Variants in MAF observed in about 807,000 individuals in gnomAD.
MAF encodes MAF bZIP transcription factor.
Under a neutral mutation model 22.0 loss-of-function variants are expected in MAF, and 10 were observed. The ratio of observed to expected loss-of-function variants is 0.45; its 90% CI spans 0.28 to 0.77. The LOEUF is 0.77. Ranked by LOEUF, MAF falls within the 30% of genes least tolerant of loss-of-function variation. The pLI is 0.12. For missense variants in MAF, 544 were observed against 548.4 expected, an observed-to-expected ratio of 0.99 and a Z score of 0.08; for synonymous variants, 337 against 255.8, an observed-to-expected ratio of 1.32 and a Z score of -3.03.
chr16:79,403,678 G>A, the MAF span, among the ~76,000 whole-genome samples: 1 of 152,226 alleles, frequency 6.6e-6, no homozygotes, highest in East Asian at 1.9e-4. Flanking sequence ...ACCATGGTGA[G>A]ATTATTTACT....
the MAF span, among the ~76,000 whole-genome samples, chr16:79,529,909 C>A: frequency 7.1e-6 from 1 of 140,422 alleles, no homozygotes; most frequent in African/African-American, 2.7e-5. Flanking sequence ...TGCAGTGATC[C>A]GAGACTACAC....
At chr16:79,270,682 A>G in the MAF span, among the ~76,000 whole-genome samples, 57 of 152,146 alleles carry the variant, frequency 3.7e-4, no homozygotes, top group Non-Finnish European at 7.1e-4. Flanking sequence ...GACAGTAGGA[A>G]GGAGGAGGGT....
the MAF span, among the ~76,000 whole-genome samples, chr16:79,370,328 A>G: frequency 2.0e-5 from 3 of 152,216 alleles, no homozygotes; most frequent in African/African-American, 2.4e-5. Flanking sequence ...GCAAGCTGGT[A>G]TCATAGACCA....
At chr16:79,296,948 A>C in the MAF span, among the ~76,000 whole-genome samples, 4 of 152,208 alleles carry the variant, frequency 2.6e-5, no homozygotes, top group Non-Finnish European at 4.4e-5. Flanking sequence ...TTTTGGAAAA[A>C]GCAAATCCCC....
chr16:79,597,835 TAA>T (rs1345174391), intron 1 of MAF: 2 of 1,023,914 alleles, frequency 2.0e-6, no homozygotes, highest in South Asian at 4.6e-5. Context: ...CTCTTTTCCA[TAA>T]AGTCTTTGAA....
chr16:79,358,278 C>T, the MAF span, among the ~76,000 whole-genome samples: 1 of 152,132 alleles, frequency 6.6e-6, no homozygotes, highest in Non-Finnish European at 1.5e-5. Flanking sequence ...TCGAGAGTTC[C>T]TCGACCCCAG....
chr16:79,569,108 C>T, the MAF span, among the ~76,000 whole-genome samples: 1 of 137,758 alleles, frequency 7.3e-6, no homozygotes, highest in Admixed American at 7.1e-5. Flanking sequence ...CTCACTATTC[C>T]CACTTCACCT....
At chr16:79,572,382 T>C in the MAF span, among the ~76,000 whole-genome samples, 5 of 152,260 alleles carry the variant, frequency 3.3e-5, no homozygotes, top group East Asian at 9.7e-4. Flanking sequence ...CCCCCAACAC[T>C]TTTGGCTGTG....
the MAF span, among the ~76,000 whole-genome samples, chr16:79,302,669 T>TC: frequency 6.6e-6 from 1 of 152,140 alleles, no homozygotes; most frequent in Non-Finnish European, 1.5e-5. Context: ...ACAGCACAAA[T>TC]CCCCCTGCAG....
At chr16:79,540,407 G>C in the MAF span, among the ~76,000 whole-genome samples, 1 of 152,046 alleles carries the variant, frequency 6.6e-6, no homozygotes, top group Non-Finnish European at 1.5e-5. Context: ...TGATTCCAAC[G>C]CTTCAACCAC....
the MAF span, among the ~76,000 whole-genome samples, chr16:79,454,386 C>G: frequency 2.1e-4 from 32 of 152,124 alleles, no homozygotes; most frequent in African/African-American, 7.7e-4. Flanking sequence ...ACCAGAAATC[C>G]GAGACCAGCT....
the MAF span, among the ~76,000 whole-genome samples, chr16:79,306,543 A>G: frequency 6.6e-6 from 1 of 152,338 alleles, no homozygotes; most frequent in South Asian, 2.1e-4. Flanking sequence ...TAAGACTTGC[A>G]GATGAATTGG....
the MAF span, among the ~76,000 whole-genome samples, chr16:79,299,520 G>C: frequency 6.6e-6 from 1 of 152,204 alleles, no homozygotes. Flanking sequence ...GGTCAAGGAA[G>C]AGAGGGAAAC....
the MAF span, among the ~76,000 whole-genome samples, chr16:79,220,383 G>C: frequency 4.0e-5 from 6 of 151,850 alleles, no homozygotes; most frequent in Admixed American, 3.3e-4. Flanking sequence ...TAAATACTGT[G>C]GTACATTTTT....
the MAF span, among the ~76,000 whole-genome samples, chr16:79,319,644 T>A: frequency 6.6e-6 from 1 of 152,208 alleles, no homozygotes; most frequent in African/African-American, 2.4e-5. Context: ...TCTTAAACTA[T>A]TCTACTTATT....
the MAF span, among the ~76,000 whole-genome samples, chr16:79,300,142 G>A: frequency 2.0e-5 from 3 of 152,214 alleles, no homozygotes; most frequent in South Asian, 6.2e-4. Flanking sequence ...TATTATTTAT[G>A]TCATGTTAGG....
the MAF span, among the ~76,000 whole-genome samples, chr16:79,495,117 C>A: frequency 6.6e-6 from 1 of 152,016 alleles, no homozygotes; most frequent in African/African-American, 2.4e-5. Flanking sequence ...TTTACAGAGG[C>A]TCTATTTGGT....
At chr16:79,429,202 AG>A in the MAF span, among the ~76,000 whole-genome samples, 1 of 152,142 alleles carries the variant, frequency 6.6e-6, no homozygotes, top group Non-Finnish European at 1.5e-5. Flanking sequence ...CTTAACTCTG[AG>A]CCTCACGCTA....
rs200484908 is a variant in MAF at position 79,599,595 on chromosome 16, G to C, written c.308C>G (p.Pro103Arg). ...CTCGGGGCTGAAGCCCAGCGCCTCG[G>C]GGTTCAGCTGCTGCGGGTAGCCGGT... is the stretch of plus-strand genomic sequence containing the variant. ...WMTGYPQQLN[P>R]EALGFSPEDA... Residue 103 changes from proline to arginine, a missense_variant, in exon 1 of 2, where the codon CCC (proline) becomes CGC (arginine). This residue lies in a region of MAF where 342 missense variants were observed against 315.5 expected (regional missense o/e 1.08). Coordinates refer to ENST00000326043, the MANE Select transcript of MAF (RefSeq NM_005360.5). 6.2e-7 allele frequency: 1 copy of C among 1,608,722 alleles called. No homozygotes were observed. The highest frequency in any genetic ancestry group is 1.1e-5 in the South Asian group (1 of 90,256).
Sources: allele counts gnomAD v4.1 joint callset (sites outside exome capture counted in the v4.1 genomes callset), GRCh38; gene constraint gnomAD v4.1.1; regional missense constraint gnomAD v4.1.1; transcripts MANE v1.5; gene names NCBI Gene and HGNC (gene_info 2026-07-23, HGNC 2026-07-21).